TBC1D22A: variants seen among roughly 807,000 people sequenced by gnomAD.
TBC1D22A encodes putative GTPase activator.
In TBC1D22A, 38 loss-of-function variants were observed where a neutral mutation model predicts 60.2. That is an observed-to-expected ratio of 0.63 (90% CI 0.49 to 0.83). TBC1D22A has a LOEUF of 0.83. TBC1D22A is among the 40% of genes least tolerant of loss of function. TBC1D22A has a pLI of 0.00. For missense variants in TBC1D22A, 628 were observed against 701.0 expected, an observed-to-expected ratio of 0.90 and a Z score of 1.18; for synonymous variants, 302 against 281.7, an observed-to-expected ratio of 1.07 and a Z score of -0.72.
chr22:46,956,674 G>T (rs970089716), intron 8 of TBC1D22A, among the ~76,000 whole-genome samples: 6 of 152,198 alleles, frequency 3.9e-5, no homozygotes, highest in African/African-American at 1.4e-4. Context: ...GCAGAAGCCT[G>T]TGGGCCTGTG....
intron 4 of TBC1D22A, among the ~76,000 whole-genome samples, chr22:46,816,625 G>T (rs2085612583): frequency 6.6e-6 from 1 of 152,176 alleles, no homozygotes; most frequent in African/African-American, 2.4e-5. Context: ...ACAGTACAGG[G>T]AAGTTAGCCA....
intron 11 of TBC1D22A, among the ~76,000 whole-genome samples, chr22:47,095,948 T>C (rs1443664117): frequency 1.3e-5 from 2 of 152,246 alleles, no homozygotes; most frequent in East Asian, 3.8e-4. Context: ...CTGAGTCATA[T>C]GGATGAGAGG....
chr22:46,941,636 G>A (rs1391257412), intron 8 of TBC1D22A, among the ~76,000 whole-genome samples: 30 of 140,530 alleles, frequency 2.1e-4, no homozygotes, highest in Non-Finnish European at 3.2e-4. Flanking sequence ...ATATATATAC[G>A]CGGAATATAT....
intron 10 of TBC1D22A, among the ~76,000 whole-genome samples, chr22:47,000,835 A>C (rs1298295548): frequency 8.3e-6 from 1 of 120,812 alleles, no homozygotes; most frequent in Non-Finnish European, 1.7e-5. Context: ...CAAAGCAAAA[A>C]GAAAAAAAAA....
chr22:46,955,854 G>A (rs958898807), intron 8 of TBC1D22A, among the ~76,000 whole-genome samples: 3 of 152,166 alleles, frequency 2.0e-5, no homozygotes, highest in Non-Finnish European at 4.4e-5. Flanking sequence ...TCCCTGTCCC[G>A]AGGACATAGA....
intron 4 of TBC1D22A, among the ~76,000 whole-genome samples, chr22:46,814,476 C>G (rs1336793968): frequency 1.3e-5 from 2 of 152,230 alleles, no homozygotes; most frequent in East Asian, 3.9e-4. Flanking sequence ...CAAGACCAGT[C>G]TCAGGAAGAA....
At chr22:46,938,606 G>A (rs181177387) in intron 8 of TBC1D22A, among the ~76,000 whole-genome samples, 88 of 135,256 alleles carry the variant, frequency 6.5e-4, no homozygotes, top group African/African-American at 2.4e-3. Flanking sequence ...TTTTTTTTGA[G>A]GTGGAGTCTT....
At chr22:46,789,877 G>A (rs997805694) in intron 1 of TBC1D22A, among the ~76,000 whole-genome samples, 1 of 152,208 alleles carries the variant, frequency 6.6e-6, no homozygotes, top group Non-Finnish European at 1.5e-5. Flanking sequence ...CCTCTAGAAG[G>A]ATTGAACTAG....
At chr22:46,945,138 C>G (rs1345474746) in intron 8 of TBC1D22A, among the ~76,000 whole-genome samples, 1 of 152,176 alleles carries the variant, frequency 6.6e-6, no homozygotes, top group African/African-American at 2.4e-5. Flanking sequence ...TTCTGGTCTC[C>G]TTGGATTTTC....
intron 10 of TBC1D22A, among the ~76,000 whole-genome samples, chr22:47,001,504 A>G (rs2061411917): frequency 2.0e-5 from 3 of 150,914 alleles, no homozygotes; most frequent in South Asian, 2.1e-4. Flanking sequence ...GAAATATGCC[A>G]TTGAAACTTA....
At chr22:46,957,748 A>G (rs555480318) in intron 8 of TBC1D22A, among the ~76,000 whole-genome samples, 1 of 152,296 alleles carries the variant, frequency 6.6e-6, no homozygotes, top group East Asian at 1.9e-4. Context: ...TGGGCAGGCG[A>G]GAGGTGAGGC....
chr22:46,956,258 C>T (rs771594174), intron 8 of TBC1D22A, among the ~76,000 whole-genome samples: 13 of 152,008 alleles, frequency 8.6e-5, no homozygotes, highest in Non-Finnish European at 1.6e-4. Flanking sequence ...TTAGGGTGTG[C>T]CCTAACCCCA....
At chr22:46,862,870 G>A (rs960042044) in intron 4 of TBC1D22A, among the ~76,000 whole-genome samples, 1 of 152,172 alleles carries the variant, frequency 6.6e-6, no homozygotes, top group East Asian at 1.9e-4. Context: ...GAGGAAAGGG[G>A]ACAGTCTCTT....
intron 12 of TBC1D22A, among the ~76,000 whole-genome samples, chr22:47,113,565 A>G (rs954525859): frequency 2.6e-5 from 4 of 152,216 alleles, no homozygotes; most frequent in Admixed American, 6.5e-5. Flanking sequence ...CACATATGCG[A>G]GGAATGGACC....
intron 11 of TBC1D22A, among the ~76,000 whole-genome samples, chr22:47,060,533 C>G (rs1246346085): frequency 6.6e-6 from 1 of 152,282 alleles, no homozygotes; most frequent in Admixed American, 6.5e-5. Flanking sequence ...CGGGTTCAAA[C>G]GATTCTCCTA....
intron 11 of TBC1D22A, among the ~76,000 whole-genome samples, chr22:47,080,498 C>T (rs531647079): frequency 3.0e-4 from 45 of 152,076 alleles, no homozygotes; most frequent in South Asian, 1.9e-3. Flanking sequence ...TTAAATAATC[C>T]GCGATTCAAA....
intron 4 of TBC1D22A, among the ~76,000 whole-genome samples, chr22:46,867,402 G>A (rs1038424417): frequency 1.3e-5 from 2 of 152,182 alleles, no homozygotes; most frequent in African/African-American, 4.8e-5. Context: ...AGGATTCTGT[G>A]TGTCAAATGA....
chr22:47,008,927 A>T (rs532084342), intron 10 of TBC1D22A, among the ~76,000 whole-genome samples: 37 of 152,300 alleles, frequency 2.4e-4, no homozygotes, highest in South Asian at 2.3e-3. Context: ...CAGGAGCAAC[A>T]ATGGGAGATT....
intron 11 of TBC1D22A, among the ~76,000 whole-genome samples, chr22:47,102,910 A>G (rs1449115448): frequency 5.8e-4 from 88 of 152,218 alleles, no homozygotes; most frequent in Non-Finnish European, 2.1e-4. Flanking sequence ...CCTTCTCAGT[A>G]TTTGCAATGC....
Sources: allele counts gnomAD v4.1 joint callset (sites outside exome capture counted in the v4.1 genomes callset), GRCh38; gene constraint gnomAD v4.1.1; transcripts MANE v1.5; gene names NCBI Gene and HGNC (gene_info 2026-07-23, HGNC 2026-07-21).